CECR2: variants seen among roughly 807,000 people sequenced by gnomAD.
The protein encoded by CECR2 is chromatin remodeling regulator CECR2.
CECR2 carries 30 observed loss-of-function variants against 154.5 expected under a neutral mutation model. That is an observed-to-expected ratio of 0.19 (90% CI 0.15 to 0.26). The LOEUF is 0.26. Ranked by LOEUF, CECR2 falls within the 10% of genes least tolerant of loss-of-function variation. CECR2 has a pLI of 1.00. For missense variants in CECR2, 1,743 were observed against 1,829.3 expected, an observed-to-expected ratio of 0.95 and a Z score of 0.86; for synonymous variants, 725 against 683.7, an observed-to-expected ratio of 1.06 and a Z score of -0.94.
chr22:17,513,567 T>C (rs2055998924), intron 8 of CECR2, among the ~76,000 whole-genome samples: 1 of 152,248 alleles, frequency 6.6e-6, no homozygotes, highest in African/African-American at 2.4e-5. Flanking sequence ...CTCAGAGATG[T>C]GTCTTGCCCG....
intron 7 of CECR2, among the ~76,000 whole-genome samples, chr22:17,511,025 A>G: frequency 6.6e-6 from 1 of 152,156 alleles, no homozygotes; most frequent in East Asian, 1.9e-4. Flanking sequence ...TTCCTTACCT[A>G]ATGGATTAAG....
At chr22:17,521,580 T>A (rs1231799119) in intron 8 of CECR2, among the ~76,000 whole-genome samples, 2 of 152,172 alleles carry the variant, frequency 1.3e-5, no homozygotes, top group African/African-American at 4.8e-5. Flanking sequence ...TTTGCCCACT[T>A]TTTCATGGGG....
At chr22:17,408,411 T>G (rs1452742922) in intron 1 of CECR2, among the ~76,000 whole-genome samples, 1 of 152,094 alleles carries the variant, frequency 6.6e-6, no homozygotes, top group African/African-American at 2.4e-5. Context: ...ATGCCTCAGT[T>G]TCCTTTTCAT....
rs948649990 is a variant in CECR2 at position 17,459,877 on chromosome 22, CT to C, written c.127-17710del. Among the ~76,000 whole-genome samples, 7 of 152,196 alleles carry C rather than the reference CT, an allele frequency of 4.6e-5. No homozygotes were observed. The East Asian group carries it at 1.3e-3, about 29-fold the overall frequency. ...CTTCAGAAGCCTCTTATCCTTTTAA[CT>C]CCTTAAGCTGAGCATGTAACTTTGT... On this transcript the variant is annotated intron_variant, in intron 1 of 18. Coordinates refer to ENST00000262608, the MANE Select transcript of CECR2 (RefSeq NM_001290047.2).
intron 9 of CECR2, among the ~76,000 whole-genome samples, chr22:17,535,294 G>C (rs2147002562): frequency 6.6e-6 from 1 of 151,846 alleles, no homozygotes; most frequent in Middle Eastern, 3.4e-3. Context: ...CTTTAGCCTG[G>C]GCAACAGAGT....
chr22:17,474,385 A>G (rs1183099118), intron 1 of CECR2, among the ~76,000 whole-genome samples: 1 of 152,174 alleles, frequency 6.6e-6, no homozygotes, highest in Admixed American at 6.5e-5. Context: ...TAGGTAAGGG[A>G]GAAGAGTTGG....
At chr22:17,469,008 C>T (rs564643298) in intron 1 of CECR2, among the ~76,000 whole-genome samples, 1 of 152,186 alleles carries the variant, frequency 6.6e-6, no homozygotes, top group East Asian at 1.9e-4. Context: ...ATAACTACCC[C>T]ACTCCCCAGA....
chr22:17,407,032 G>C (rs2053994488), intron 1 of CECR2, among the ~76,000 whole-genome samples: 1 of 151,490 alleles, frequency 6.6e-6, no homozygotes, highest in Non-Finnish European at 1.5e-5. Flanking sequence ...AAAAAATGCA[G>C]ATTCAGAAAC....
intron 1 of CECR2, among the ~76,000 whole-genome samples, chr22:17,414,234 A>G (rs2054119094): frequency 6.6e-6 from 1 of 152,178 alleles, no homozygotes; most frequent in Admixed American, 6.5e-5. Flanking sequence ...GGCCTCCCAA[A>G]GTGCTGGGAT....
chr22:17,447,343 C>G (rs943512016), intron 1 of CECR2, among the ~76,000 whole-genome samples: 2 of 152,008 alleles, frequency 1.3e-5, no homozygotes, highest in East Asian at 3.9e-4. Context: ...TTAGTAGACA[C>G]GGGGTTTCAT....
At chr22:17,432,460 C>T (rs1232106068) in intron 1 of CECR2, among the ~76,000 whole-genome samples, 1 of 152,020 alleles carries the variant, frequency 6.6e-6, no homozygotes, top group Non-Finnish European at 1.5e-5. Flanking sequence ...TTTGTGTGCT[C>T]CTAGGTTTTT....
intron 1 of CECR2, among the ~76,000 whole-genome samples, chr22:17,431,868 GT>G (rs1377713519): frequency 6.6e-6 from 1 of 152,098 alleles, no homozygotes; most frequent in African/African-American, 2.4e-5. Flanking sequence ...TATATTTAGA[GT>G]GCGCAGCCAT....
chr22:17,443,994 TA>T (rs1400126620), intron 1 of CECR2, among the ~76,000 whole-genome samples: 2 of 152,302 alleles, frequency 1.3e-5, no homozygotes, highest in East Asian at 3.9e-4. Flanking sequence ...TTTGGTCCAC[TA>T]AAACATTAAT....
chr22:17,482,961 G>A (rs1424357398), intron 2 of CECR2, among the ~76,000 whole-genome samples: 2 of 152,196 alleles, frequency 1.3e-5, no homozygotes, highest in Non-Finnish European at 2.9e-5. Flanking sequence ...GATTACAGGC[G>A]TGAGCCACCG....
At chr22:17,433,428 C>T (rs900939168) in intron 1 of CECR2, among the ~76,000 whole-genome samples, 2 of 152,152 alleles carry the variant, frequency 1.3e-5, no homozygotes, top group African/African-American at 2.4e-5. Context: ...TCTCCCCTGT[C>T]ATCACATTGT....
At chr22:17,464,177 A>G (rs1158874885) in intron 1 of CECR2, among the ~76,000 whole-genome samples, 1 of 152,222 alleles carries the variant, frequency 6.6e-6, no homozygotes, top group East Asian at 1.9e-4. Context: ...AGTCATTTTA[A>G]TGAAGTTTCA....
chr22:17,546,644 C>CT (rs1238889278), intron 16 of CECR2, among the ~76,000 whole-genome samples: 5 of 152,112 alleles, frequency 3.3e-5, no homozygotes, highest in Admixed American at 6.6e-5. Context: ...GTTAATAGCT[C>CT]TTTAAAAGTT....
At chr22:17,505,284 T>C (rs1179192822) in intron 7 of CECR2, among the ~76,000 whole-genome samples, 2 of 151,832 alleles carry the variant, frequency 1.3e-5, no homozygotes, top group African/African-American at 4.8e-5. Context: ...TGGAACCAAC[T>C]TTCCTTCTCC....
At chr22:17,415,921 T>C (rs2054150751) in intron 1 of CECR2, among the ~76,000 whole-genome samples, 1 of 152,244 alleles carries the variant, frequency 6.6e-6, no homozygotes, top group Non-Finnish European at 1.5e-5. Context: ...ATTTAATTTT[T>C]TGTTCACTGG....
Sources: allele counts gnomAD v4.1 joint callset (sites outside exome capture counted in the v4.1 genomes callset), GRCh38; gene constraint gnomAD v4.1.1; transcripts MANE v1.5; gene names NCBI Gene and HGNC (gene_info 2026-07-23, HGNC 2026-07-21).